Variants in TSPAN14 observed in about 807,000 individuals in gnomAD.
TSPAN14 encodes tetraspanin 14, also known as tetraspanin-14.
Under a neutral mutation model 36.6 loss-of-function variants are expected in TSPAN14, and 16 were observed. The observed-to-expected ratio is 0.44, with a 90% CI of 0.30 to 0.66. TSPAN14 has a LOEUF of 0.66. Among genes scored for constraint, TSPAN14 ranks in the 30% least tolerant of loss-of-function variants. The probability of loss-of-function intolerance (pLI) is 0.12; values close to 1 mark genes in which losing one functional copy is unlikely to be tolerated. For missense variants in TSPAN14, 231 were observed against 355.1 expected, an observed-to-expected ratio of 0.65 and a Z score of 2.81; for synonymous variants, 139 against 143.8, an observed-to-expected ratio of 0.97 and a Z score of 0.24.
chr10:80,481,269 G>T (rs1276934391), intron 1 of TSPAN14, among the ~76,000 whole-genome samples: 1 of 152,170 alleles, frequency 6.6e-6, no homozygotes, highest in Non-Finnish European at 1.5e-5. Context: ...CCAGATGGAA[G>T]GATCTCCGAA....
At chr10:80,520,756 C>T (rs1479129937) in exon 9 of TSPAN14, 3 of 533,538 alleles carry the variant, frequency 5.6e-6, no homozygotes, top group Admixed American at 3.9e-5. Flanking sequence ...CTTTGCACCA[C>T]CCACCATGCC....
exon 9 of TSPAN14, chr10:80,518,131 C>A: frequency 1.3e-6 from 1 of 794,516 alleles, no homozygotes; most frequent in Non-Finnish European, 2.0e-6. Context: ...TTTCTGCTTG[C>A]TGGTGCTGAA....
intron 1 of TSPAN14, among the ~76,000 whole-genome samples, chr10:80,455,278 C>G (rs927508800): frequency 6.6e-6 from 1 of 152,054 alleles, no homozygotes; most frequent in Admixed American, 6.6e-5. Context: ...GTCGTGGGCC[C>G]GGGTACTGGC....
intron 2 of TSPAN14, among the ~76,000 whole-genome samples, chr10:80,495,332 G>A (rs1245619677): frequency 7.0e-6 from 1 of 142,560 alleles, no homozygotes; most frequent in East Asian, 2.0e-4. Flanking sequence ...CTGTCTTTTG[G>A]CACTGTGTGT....
chr10:80,495,771 GT>G (rs1848169005), intron 2 of TSPAN14, among the ~76,000 whole-genome samples: 1 of 152,106 alleles, frequency 6.6e-6, no homozygotes, highest in South Asian at 2.1e-4. Flanking sequence ...GATCACTTCT[GT>G]TGATGTCTGA....
At chr10:80,510,086 C>T (rs894132634) in intron 5 of TSPAN14, among the ~76,000 whole-genome samples, 4 of 152,204 alleles carry the variant, frequency 2.6e-5, no homozygotes, top group Admixed American at 6.5e-5. Flanking sequence ...TGTGGCTGCA[C>T]CTGGACGCTT....
chr10:80,478,057 T>G (rs1847025246), intron 1 of TSPAN14, among the ~76,000 whole-genome samples: 1 of 152,148 alleles, frequency 6.6e-6, no homozygotes, highest in Non-Finnish European at 1.5e-5. Flanking sequence ...TGCCAGGGAT[T>G]ACTAGATGGC....
At chr10:80,476,409 GTTTTTTTT>G (rs60589813) in intron 1 of TSPAN14, among the ~76,000 whole-genome samples, 3 of 85,070 alleles carry the variant, frequency 3.5e-5, no homozygotes, top group African/African-American at 4.2e-5. Context: ...TTGTTTTACT[GTTTTTTTT>G]TTTTTTTTTT....
intron 1 of TSPAN14, among the ~76,000 whole-genome samples, chr10:80,473,628 C>T (rs7094539): frequency 0.012 from 1,856 of 152,026 alleles, 32 homozygotes; most frequent in African/African-American, 0.04. Flanking sequence ...TAGTGACTTC[C>T]CACAGTAAAG....
At chr10:80,516,672 G>C (rs1840958201) in intron 8 of TSPAN14, among the ~76,000 whole-genome samples, 1 of 152,172 alleles carries the variant, frequency 6.6e-6, no homozygotes, top group Admixed American at 6.5e-5. Flanking sequence ...AGTGTGCTCG[G>C]GGTGGGCCAT....
chr10:80,502,135 G>C (rs1042173122), intron 2 of TSPAN14, among the ~76,000 whole-genome samples: 2 of 152,188 alleles, frequency 1.3e-5, no homozygotes, highest in Non-Finnish European at 2.9e-5. Flanking sequence ...GAGCATTGCC[G>C]GCTGAGGGAA....
At chr10:80,516,444 A>T (rs1840946874) in intron 8 of TSPAN14, 121 bp downstream of exon 8, 3 of 1,428,518 alleles carry the variant, frequency 2.1e-6, no homozygotes, top group Non-Finnish European at 2.9e-6. Context: ...AGAAGAAAAA[A>T]AGGGATTCAA....
intron 5 of TSPAN14, among the ~76,000 whole-genome samples, chr10:80,511,768 C>CTG (rs1840662157): frequency 8.4e-6 from 1 of 118,688 alleles, no homozygotes; most frequent in Admixed American, 9.4e-5. Context: ...CTCTCTCTCT[C>CTG]TCTCCCCTTT....
exon 9 of TSPAN14, chr10:80,518,279 C>T (rs1841056312): frequency 3.8e-5 from 17 of 447,276 alleles, no homozygotes; most frequent in South Asian, 3.6e-4. Flanking sequence ...GCCAGGAGGG[C>T]TTGACTCAGA....
At chr10:80,460,380 A>C (rs183105022) in intron 1 of TSPAN14, among the ~76,000 whole-genome samples, 5 of 152,216 alleles carry the variant, frequency 3.3e-5, no homozygotes, top group Non-Finnish European at 5.9e-5. Context: ...TCTGGTTAAC[A>C]GGAGTTTTGC....
At position 80,509,626 on chromosome 10, in the gene TSPAN14, G is replaced by A; in HGVS notation, c.450+155G>A. On this transcript the variant is annotated intron_variant, in intron 5 of 8. Coordinates refer to ENST00000429989, the Ensembl canonical transcript of TSPAN14. This position sits in a 1 kb window ranked among gnomAD's most constrained non-coding sequence, Gnocchi z 4.7. ...CGTGGAACAAGCCACTCCACCTCTG[G>A]TCTGTTCCACTTTGCCGGCTTGTGG... 1 of 760,034 alleles carries A rather than the reference G, an allele frequency of 1.3e-6. No individual in the cohort carries two copies. Among genetic ancestry groups the A allele is most frequent in the Non-Finnish European group, 2.1e-6 (1 of 484,572 alleles). The allele number at this position is 760,034 out of a possible 1,614,324, so 47.1% of individuals were successfully genotyped here.
At position 80,518,351 on chromosome 10, in the gene TSPAN14, A is replaced by G. The variant is rs568627635; in HGVS notation, c.*375A>G. 1.1e-4 allele frequency: 30 copies of G among 270,414 alleles called. No homozygotes were observed. In the South Asian group the frequency reaches 1.4e-3, roughly 13 times the overall value. The allele number at this position is 270,414 out of a possible 1,614,324, so 16.8% of individuals were successfully genotyped here. ...GTCCCCTCTCCACTGGCATCCAGAC[A>G]TCTGCTTTGGGTCATCCACATCTGT... On this transcript the variant is annotated 3_prime_UTR_variant, in exon 9 of 9. Coordinates refer to ENST00000429989, the Ensembl canonical transcript of TSPAN14.
intron 1 of TSPAN14, among the ~76,000 whole-genome samples, chr10:80,483,513 ATG>A (rs1222813958): frequency 1.3e-5 from 2 of 152,124 alleles, no homozygotes; most frequent in African/African-American, 4.8e-5. Context: ...TGGGTGGTAA[ATG>A]TAACCATATT....
chr10:80,516,347 T>G (rs747664445), intron 8 of TSPAN14, 24 bp downstream of exon 8: 3 of 1,613,636 alleles, frequency 1.9e-6, no homozygotes, highest in Non-Finnish European at 2.5e-6. Flanking sequence ...GCCTATAGGA[T>G]TGGCAGGTGG....
Sources: allele counts gnomAD v4.1 joint callset (sites outside exome capture counted in the v4.1 genomes callset), GRCh38; gene constraint gnomAD v4.1.1; non-coding constraint Gnocchi (gnomAD v3.1); transcripts MANE v1.5; gene names NCBI Gene and HGNC (gene_info 2026-07-23, HGNC 2026-07-21).